The following SPRED1 variants were observed in gnomAD, a reference collection of about 807,000 sequenced individuals.
The protein encoded by SPRED1 is sprouty-related, EVH1 domain-containing protein 1.
Under a neutral mutation model 52.3 loss-of-function variants are expected in SPRED1, and 18 were observed. The ratio of observed to expected loss-of-function variants is 0.34; its 90% CI spans 0.24 to 0.51. The LOEUF (loss-of-function observed/expected upper bound fraction) is 0.51, where lower values mean the gene tolerates loss of function less well. SPRED1 is among the 20% of genes least tolerant of loss of function. The probability of loss-of-function intolerance (pLI) is 0.97; values close to 1 mark genes in which losing one functional copy is unlikely to be tolerated. For synonymous variants in SPRED1, 155 were observed against 179.7 expected (o/e 0.86, Z 1.10); for missense variants, 485 against 551.0 (o/e 0.88, Z 1.20).
chr15:38,309,569 CT>C, intron 2 of SPRED1, among the ~76,000 whole-genome samples: 2 of 152,324 alleles, frequency 1.3e-5, no homozygotes, highest in East Asian at 3.9e-4. Flanking sequence ...TGAACATGGC[CT>C]TTTGCAGACC....
rs1244449725 is a variant in SPRED1 at position 38,356,694 on chromosome 15, G to A, written c.*5030G>A. 6.6e-6 allele frequency: 1 copy of A among 151,920 alleles called. No individual in the cohort carries two copies. Among genetic ancestry groups the A allele is most frequent in the East Asian group, 1.9e-4 (1 of 5,192 alleles). 9.4% of individuals were successfully genotyped at this position (151,920 alleles called of 1,614,324 possible). A position where few individuals can be genotyped will look rare whatever the true frequency, so the allele number is the denominator to read the frequency against. On this transcript the variant is annotated 3_prime_UTR_variant, in exon 7 of 7. Transcript: ENST00000299084. ...GTTATATTTATTGGTTTGGTAACATGTTGCAGCTAAGCTAATGACCTTAAG... is the reference window on the plus strand; with the variant it reads ...GTTATATTTATTGGTTTGGTAACATATTGCAGCTAAGCTAATGACCTTAAG...
At chr15:38,290,054 G>A (rs1894889010) in intron 1 of SPRED1, among the ~76,000 whole-genome samples, 2 of 152,024 alleles carry the variant, frequency 1.3e-5, no homozygotes, top group Admixed American at 6.6e-5. Flanking sequence ...ATATTTTAAT[G>A]GCCTCTGGAT....
rs924862042 is a variant in SPRED1 at position 38,264,571 on chromosome 15, T to A, written c.32+11354T>A. 4.6e-5 allele frequency among the ~76,000 whole-genome samples: 7 copies of A among 151,312 alleles called. No individual in the cohort carries two copies. In the South Asian group the frequency reaches 1.3e-3, roughly 27 times the overall value. ...CCAGGATCTGCTAAAATGTTTTTTT[T>A]AAAAAAGAGTGAACAGTATGGATGT... is the stretch of plus-strand genomic sequence containing the variant. On this transcript the variant is annotated intron_variant, in intron 1 of 6. Transcript: ENST00000299084.
chr15:38,268,880 A>G lies in SPRED1; in HGVS notation c.32+15663A>G, dbSNP rs568805983. On this transcript the variant is annotated intron_variant, in intron 1 of 6. Transcript: ENST00000299084. Reference sequence around the variant, plus strand: ...CCTCAGTACATTTTCAGTCTTTGAAATCATCAGATTATAAAGGAGTTGTAG... The same window carrying G: ...CCTCAGTACATTTTCAGTCTTTGAAGTCATCAGATTATAAAGGAGTTGTAG... Among the ~76,000 whole-genome samples, 8 of 152,232 alleles carry G rather than the reference A, an allele frequency of 5.3e-5. No homozygotes were observed. The South Asian group carries it at 1.7e-3, about 32-fold the overall frequency.
chr15:38,269,905 C>CTTTTTT (rs10566946), intron 1 of SPRED1, among the ~76,000 whole-genome samples: 8 of 91,978 alleles, frequency 8.7e-5, no homozygotes, highest in Admixed American at 1.2e-4. Flanking sequence ...TTCTTTCTTT[C>CTTTTTT]TTTTTTTTTT....
intron 2 of SPRED1, among the ~76,000 whole-genome samples, chr15:38,311,633 TG>T (rs2140987281): frequency 6.6e-6 from 1 of 152,330 alleles, no homozygotes; most frequent in South Asian, 2.1e-4. Flanking sequence ...TATTTCATCA[TG>T]GTTGAATTTT....
chr15:38,323,039 A>G (rs981402879), intron 3 of SPRED1, among the ~76,000 whole-genome samples: 1 of 152,186 alleles, frequency 6.6e-6, no homozygotes, highest in African/African-American at 2.4e-5. Flanking sequence ...TTCTTCCCAT[A>G]AAGGAAGAAC....
Position 38,351,630 on chromosome 15 carries a change from G to A in SPRED1, c.1301G>A (p.Gly434Asp). Residue 434 changes from glycine (G) to aspartate (D), a missense_variant, in exon 7 of 7, where the codon GGT (glycine) becomes GAT (aspartate). Around this residue, in one of 5 missense-constraint regions of SPRED1, gnomAD observed 205 missense variants for 245.2 expected, o/e 0.84. Transcript: ENST00000299084. ...RMCHRCGEAC[G>D]CCGGKHKAAG ...TGCCATCGCTGTGGTGAGGCATGTG[G>A]TTGCTGTGGTGGGAAACATAAAGCT... The A allele has an allele frequency of 6.2e-7, 1 of 1,613,830 alleles. No individual in the cohort carries two copies. Among genetic ancestry groups the A allele is most frequent in the Non-Finnish European group, 8.5e-7 (1 of 1,179,982 alleles).
intron 1 of SPRED1, among the ~76,000 whole-genome samples, chr15:38,286,226 CAAAAAAA>C (rs368405955): frequency 1.1e-5 from 1 of 89,594 alleles, no homozygotes; most frequent in African/African-American, 4.3e-5. Context: ...ACTCCAGCCT[CAAAAAAA>C]AAAAAAAAAA....
chr15:38,310,993 A>G (rs923164280), intron 2 of SPRED1, among the ~76,000 whole-genome samples: 4 of 152,222 alleles, frequency 2.6e-5, no homozygotes, highest in South Asian at 4.1e-4. Flanking sequence ...TATGGAATAC[A>G]ATGGTAGTAG....
chr15:38,294,953 G>A (rs1895002327), intron 1 of SPRED1, among the ~76,000 whole-genome samples: 1 of 152,108 alleles, frequency 6.6e-6, no homozygotes, highest in South Asian at 2.1e-4. Context: ...TTAATCTTTG[G>A]TGTAAAGGGT....
chr15:38,260,076 C>T (rs575231088), intron 1 of SPRED1, among the ~76,000 whole-genome samples: 164 of 152,284 alleles, frequency 1.1e-3, no homozygotes, highest in Non-Finnish European at 1.9e-3. Context: ...ATTAGAGGTA[C>T]TTGTGACAGC....
intron 1 of SPRED1, among the ~76,000 whole-genome samples, chr15:38,276,361 A>G (rs1411594777): frequency 1.3e-5 from 2 of 152,136 alleles, no homozygotes; most frequent in Non-Finnish European, 2.9e-5. Context: ...GAAGTGTTAT[A>G]TATATAGCAT....
intron 1 of SPRED1, among the ~76,000 whole-genome samples, chr15:38,279,071 C>T (rs1045917446): frequency 6.6e-6 from 1 of 152,202 alleles, no homozygotes; most frequent in East Asian, 1.9e-4. Context: ...CATGACCTAC[C>T]CTCCTAGGCC....
chr15:38,257,691 A>G (rs1040362687), intron 1 of SPRED1, among the ~76,000 whole-genome samples: 1 of 152,200 alleles, frequency 6.6e-6, no homozygotes, highest in African/African-American at 2.4e-5. Context: ...CTCAAAATTT[A>G]GGAATATGTA....
In SPRED1 at chr15:38,347,461, C is replaced by CTTTTTTTTTTT. The variant is rs3075337; in HGVS notation, c.583-1947_583-1937dup. On this transcript the variant is annotated intron_variant, in intron 5 of 6. Coordinates refer to ENST00000299084, the MANE Select transcript of SPRED1 (RefSeq NM_152594.3). ...CCTAACTTTGTTTTCCCGCTTGGAT[C>CTTTTTTTTTTT]TTTTTTTTTTTTTTTTTTTTTTTTC... Among the ~76,000 whole-genome samples, 3 of 93,234 alleles carry CTTTTTTTTTTT rather than the reference C, an allele frequency of 3.2e-5. 1 individual carries two copies. Among genetic ancestry groups the CTTTTTTTTTTT allele is most frequent in the Non-Finnish European group, 6.3e-5 (3 of 47,696 alleles). The allele number at this position is 93,234 out of a possible 152,430, so 61.2% of individuals were successfully genotyped here.
At chr15:38,253,924 TG>T (rs1894037984) in intron 1 of SPRED1, among the ~76,000 whole-genome samples, 2 of 152,198 alleles carry the variant, frequency 1.3e-5, no homozygotes, top group Admixed American at 1.3e-4. Context: ...TGATTTACGT[TG>T]ATGTAACCGA....
Position 38,299,464 on chromosome 15 carries a change from G to A in SPRED1, c.124G>A (p.Val42Ile), listed in dbSNP as rs147204964. The change falls in exon 2 of 7, where the codon GTC (valine) becomes ATC (isoleucine). Residue 42 changes from valine (V) to isoleucine (I), a missense_variant. By Grantham distance (29) the Val-to-Ile change is conservative (BLOSUM62 3). Transcript: ENST00000299084. ...ACTTGGAGGGAGTGGACTAAGCAGCGTCACTGTCTTCAAAGTCCCTCATCA... is the reference window on the plus strand; with the variant it reads ...ACTTGGAGGGAGTGGACTAAGCAGCATCACTGTCTTCAAAGTCCCTCATCA... ...LPLGGSGLSS[V>I]TVFKVPHQEE... 479 of 1,614,004 alleles carry A rather than the reference G, an allele frequency of 3.0e-4. 4 individuals are homozygous for A. The South Asian group carries it at 3.3e-3, about 11-fold the overall frequency.
At chr15:38,316,948 CTTG>C (rs1895500432) in intron 2 of SPRED1, among the ~76,000 whole-genome samples, 1 of 151,518 alleles carries the variant, frequency 6.6e-6, no homozygotes, top group East Asian at 1.9e-4. Flanking sequence ...TATAGTTATT[CTTG>C]TTGATTGAGT....
Sources: gnomAD v4.1 joint callset for allele counts (sites outside exome capture counted in the v4.1 genomes callset) on GRCh38, gnomAD v4.1.1 for gene constraint, gnomAD v4.1.1 regional missense constraint, MANE v1.5 for transcripts, NCBI Gene and HGNC (gene_info 2026-07-23, HGNC 2026-07-21) for gene names.